The following POGZ variants were observed in gnomAD, a reference collection of about 807,000 sequenced individuals.
POGZ encodes pogo transposable element with ZNF domain.
Under a neutral mutation model 134.6 loss-of-function variants are expected in POGZ, and 17 were observed. The ratio of observed to expected loss-of-function variants is 0.13; its 90% confidence interval spans 0.09 to 0.19. The LOEUF (loss-of-function observed/expected upper bound fraction) is 0.19, where lower values mean the gene tolerates loss of function less well. Among genes scored for constraint, POGZ ranks in the 10% least tolerant of loss-of-function variants. POGZ has a pLI of 1.00. For missense variants in POGZ, 1,306 were observed against 1,769.7 expected (o/e 0.74, Z 4.70); for synonymous variants, 693 against 657.1 (o/e 1.05, Z -0.84).
chr1:151,417,703 C>CACACAA (rs1656017701), intron 10 of POGZ, among the ~76,000 whole-genome samples: 4 of 149,554 alleles, frequency 2.7e-5, no homozygotes, highest in African/African-American at 7.5e-5. Flanking sequence ...CACACACACA[C>CACACAA]ACACACACAC....
Position 151,408,573 on chromosome 1 carries a change from G to T in POGZ, c.2070C>A (p.Ile690=). ...EGLKPGTKVT[I]RASRGQPRTV... Reference sequence around the variant, plus strand: ...TTCGTGGCTGCCCTCGGGAAGCCCGGATTGTCACCTGAGAACCAAGGGAAG... The same window carrying T: ...TTCGTGGCTGCCCTCGGGAAGCCCGTATTGTCACCTGAGAACCAAGGGAAG... Residue 690 remains isoleucine, a synonymous_variant, in exon 14 of 19, where the codon ATC becomes ATA. Transcript: ENST00000271715. The T allele has an allele frequency of 6.2e-7, 1 of 1,610,772 alleles. No individual in the cohort carries two copies.
intron 10 of POGZ, among the ~76,000 whole-genome samples, chr1:151,412,632 T>G (rs1557880451): frequency 6.6e-6 from 1 of 152,210 alleles, no homozygotes; most frequent in Non-Finnish European, 1.5e-5. Context: ...CTATAAGACA[T>G]TTTAAATTGG....
At chr1:151,449,310 A>G (rs1005006925) in intron 1 of POGZ, among the ~76,000 whole-genome samples, 1 of 152,214 alleles carries the variant, frequency 6.6e-6, no homozygotes, top group African/African-American at 2.4e-5. Context: ...ATCAGAGGTC[A>G]CGTTTGCCCC....
intron 10 of POGZ, among the ~76,000 whole-genome samples, chr1:151,413,652 T>C (rs908380922): frequency 6.0e-5 from 7 of 117,622 alleles, no homozygotes; most frequent in African/African-American, 2.3e-4. Context: ...GTTGAAATAA[T>C]TCTTTTTTCT....
At chr1:151,417,711 CACACACACACACACACACAA>C (rs1211324311) in intron 10 of POGZ, among the ~76,000 whole-genome samples, 2 of 150,386 alleles carry the variant, frequency 1.3e-5, no homozygotes, top group African/African-American at 5.0e-5. Context: ...CACACACACA[CACACACACACACACACACAA>C]AAGGCCTTAT....
chr1:151,436,924 C>T (rs1323177024), intron 3 of POGZ, among the ~76,000 whole-genome samples: 1 of 152,040 alleles, frequency 6.6e-6, no homozygotes, highest in Non-Finnish European at 1.5e-5. Context: ...CCAGGTGAGG[C>T]GGCTCATGTC....
intron 10 of POGZ, among the ~76,000 whole-genome samples, chr1:151,413,094 G>A (rs977903904): frequency 2.1e-5 from 3 of 144,240 alleles, no homozygotes; most frequent in Admixed American, 1.5e-4. Flanking sequence ...GTGAGCCACC[G>A]TGCCTGGGCT....
At chr1:151,421,119 G>A (rs1656833590) in intron 10 of POGZ, among the ~76,000 whole-genome samples, 1 of 151,668 alleles carries the variant, frequency 6.6e-6, no homozygotes, top group African/African-American at 2.4e-5. Context: ...ATGTGAATGT[G>A]GTGTCTCTCT....
rs201321619 is a variant in POGZ, at chr1:151,424,290, T to C, written c.1186-4A>G. 1.4e-5 allele frequency: 21 copies of C among 1,538,998 alleles called. No individual in the cohort carries two copies. In the Admixed American group the frequency reaches 4.0e-4, roughly 29 times the overall value. ...CAACCATTTCTGGGCAACAGTACTA[T>C]AAAGAAAGACATCTGATCATTCTGG... is the stretch of plus-strand genomic sequence containing the variant. On this transcript the variant is annotated splice_region_variant and splice_polypyrimidine_tract_variant and intron_variant, in intron 8 of 18. Transcript: ENST00000271715.
At chr1:151,433,421 A>G (rs1244735117) in intron 3 of POGZ, among the ~76,000 whole-genome samples, 2 of 152,080 alleles carry the variant, frequency 1.3e-5, no homozygotes, top group Non-Finnish European at 2.9e-5. Context: ...CAGCCTGACC[A>G]ACACGGAGAA....
At chr1:151,443,233 T>C (rs1660804105) in intron 1 of POGZ, among the ~76,000 whole-genome samples, 1 of 152,238 alleles carries the variant, frequency 6.6e-6, no homozygotes, top group South Asian at 2.1e-4. Flanking sequence ...TGAACCTCTC[T>C]GTACTCCTTT....
At chr1:151,437,269 G>T (rs1274119592) in intron 3 of POGZ, among the ~76,000 whole-genome samples, 4 of 150,266 alleles carry the variant, frequency 2.7e-5, no homozygotes, top group Non-Finnish European at 4.4e-5. Flanking sequence ...TTCTCCGTGT[G>T]TGTTTTTTTT....
At chr1:151,442,011 A>G in intron 2 of POGZ, 70 bp downstream of exon 2, 2 of 1,179,788 alleles carry the variant, frequency 1.7e-6, no homozygotes, top group Non-Finnish European at 2.4e-6. Context: ...TCCATCTCAC[A>G]CTTTGTTAAC....
intron 12 of POGZ, among the ~76,000 whole-genome samples, chr1:151,409,809 G>T (rs1396216883): frequency 1.3e-5 from 2 of 152,196 alleles, no homozygotes; most frequent in Non-Finnish European, 2.9e-5. Flanking sequence ...TAACACATCA[G>T]TATATACAGA....
intron 12 of POGZ, among the ~76,000 whole-genome samples, chr1:151,410,831 GC>G (rs1654535708): frequency 6.6e-6 from 1 of 152,052 alleles, no homozygotes; most frequent in Non-Finnish European, 1.5e-5. Flanking sequence ...TCACCCAACT[GC>G]CCAAGACAGA....
Position 151,404,252 on chromosome 1 carries a change from G to A in POGZ, c.*550C>T, listed in dbSNP as rs1389896017. ...TTTCATTTTTATATAAAAGTGTTAA[G>A]ACCACAATGAAAAAAGTTTTTTATC... On this transcript the variant is annotated 3_prime_UTR_variant, in exon 19 of 19. Coordinates refer to ENST00000271715, the MANE Select transcript of POGZ (RefSeq NM_015100.4). 35 of 983,414 alleles carry A rather than the reference G, an allele frequency of 3.6e-5. No individual in the cohort carries two copies. The highest frequency in any genetic ancestry group is 4.0e-5 in the Non-Finnish European group (33 of 827,962). The allele number at this position is 983,414 out of a possible 1,614,324, so 60.9% of individuals were successfully genotyped here. A position where few individuals can be genotyped will look rare whatever the true frequency, so the allele number is the denominator to read the frequency against.
chr1:151,452,495 T>C (rs12068368), intron 1 of POGZ, among the ~76,000 whole-genome samples: 124,213 of 151,838 alleles, frequency 0.82, 51,150 homozygotes, highest in Non-Finnish European at 0.83. Context: ...TCACTACAGG[T>C]GGGCTATTTT....
At chr1:151,436,831 A>T (rs1319161108) in intron 3 of POGZ, among the ~76,000 whole-genome samples, 1 of 152,228 alleles carries the variant, frequency 6.6e-6, no homozygotes, top group Non-Finnish European at 1.5e-5. Flanking sequence ...TTATGTGAAC[A>T]TACGTTTTCC....
intron 3 of POGZ, among the ~76,000 whole-genome samples, chr1:151,434,673 C>T (rs1659288286): frequency 6.6e-6 from 1 of 152,032 alleles, no homozygotes; most frequent in Non-Finnish European, 1.5e-5. Context: ...ACCTCTGCCT[C>T]CTGGGTTCAA....
Sources: gnomAD v4.1 joint callset for allele counts (sites outside exome capture counted in the v4.1 genomes callset) on GRCh38, gnomAD v4.1.1 for gene constraint, MANE v1.5 for transcripts, NCBI Gene and HGNC (gene_info 2026-07-23, HGNC 2026-07-21) for gene names.